The following CPLX4 variants were observed in gnomAD, a reference collection of about 807,000 sequenced individuals.
The protein encoded by CPLX4 is complexin 4.
In CPLX4, 17 loss-of-function variants were observed where a neutral mutation model predicts 16.1. The ratio of observed to expected loss-of-function variants is 1.06; its 90% CI spans 0.72 to 1.59. The LOEUF is 1.59. CPLX4 is among the 40% of genes most tolerant of loss of function. The pLI is 0.00. For synonymous variants in CPLX4, 55 were observed against 57.8 expected, an observed-to-expected ratio of 0.95 and a Z score of 0.22; for missense variants, 193 against 192.9, an observed-to-expected ratio of 1.00 and a Z score of 0.00.
intron 2 of CPLX4, among the ~76,000 whole-genome samples, chr18:59,306,499 G>A (rs1352809260): frequency 6.6e-6 from 1 of 152,184 alleles, no homozygotes; most frequent in Non-Finnish European, 1.5e-5. Context: ...ATAGCAAATA[G>A]TATTGTCACT....
intron 2 of CPLX4, among the ~76,000 whole-genome samples, chr18:59,306,803 T>C (rs1421157923): frequency 6.6e-6 from 1 of 152,222 alleles, no homozygotes; most frequent in East Asian, 1.9e-4. Context: ...CCTGCTGTTA[T>C]GTAACCGCTG....
At position 59,302,734 on chromosome 18, in the gene CPLX4, A is replaced by G. The variant is rs531016931; in HGVS notation, c.256-5809T>C. 3.9e-5 allele frequency among the ~76,000 whole-genome samples: 6 copies of G among 152,278 alleles called. No homozygotes were observed. In the East Asian group the frequency reaches 9.7e-4, roughly 25 times the overall value. On this transcript the variant is annotated intron_variant, in intron 2 of 2. Coordinates refer to ENST00000299721, the MANE Select transcript of CPLX4 (RefSeq NM_181654.4). Reference sequence around the variant, plus strand: ...CACCAAAGGATAAACATGACCCTGGATTTCAAGACTTACTACTTCTTGGAC... The same window carrying G: ...CACCAAAGGATAAACATGACCCTGGGTTTCAAGACTTACTACTTCTTGGAC...
At chr18:59,311,733 T>G (rs1329367925) in intron 2 of CPLX4, among the ~76,000 whole-genome samples, 2 of 152,162 alleles carry the variant, frequency 1.3e-5, no homozygotes, top group Non-Finnish European at 2.9e-5. Context: ...TGGAGTCAGG[T>G]GGTATGAGTC....
chr18:59,310,947 C>CGTGTGTGTGTGTGTGT lies in CPLX4; in HGVS notation c.255+1722_255+1737dup, dbSNP rs56041362. Among the ~76,000 whole-genome samples, 6 of 143,644 alleles carry CGTGTGTGTGTGTGTGT rather than the reference C, an allele frequency of 4.2e-5. No individual in the cohort carries two copies. The East Asian group carries it at 8.4e-4, about 20-fold the overall frequency. 94.2% of individuals were successfully genotyped at this position (143,644 alleles called of 152,430 possible). On this transcript the variant is annotated intron_variant, in intron 2 of 2. Coordinates refer to ENST00000299721, the MANE Select transcript of CPLX4 (RefSeq NM_181654.4). ...TCTGGACGATGCACACCCAGCCAAT[C>CGTGTGTGTGTGTGTGT]GTGTGTGTGTGTGTGTGTGTGTGTG...
chr18:59,304,341 G>T (rs1028046091), intron 2 of CPLX4, among the ~76,000 whole-genome samples: 2 of 152,166 alleles, frequency 1.3e-5, no homozygotes, highest in African/African-American at 2.4e-5. Flanking sequence ...TGGCCAGGGA[G>T]AGGAACACAT....
rs114784221 is a variant in CPLX4, at chr18:59,298,260, T to A, written c.256-1335A>T. Among the ~76,000 whole-genome samples the A allele has an allele frequency of 4.7e-3, 721 of 152,240 alleles. 5 individuals carry two copies. Among genetic ancestry groups the A allele is most frequent in the African/African-American group, 0.016 (672 of 41,556 alleles). On this transcript the variant is annotated intron_variant, in intron 2 of 2. Transcript: ENST00000299721. ...ATGCACCCCCATACTCAGCTGAGAT[T>A]CTTTTACCACTTAGGCTATAGAGTC... is the stretch of plus-strand genomic sequence containing the variant.
At chr18:59,311,042 C>T (rs1478985075) in intron 2 of CPLX4, among the ~76,000 whole-genome samples, 4 of 151,174 alleles carry the variant, frequency 2.6e-5, no homozygotes, top group Non-Finnish European at 4.4e-5. Flanking sequence ...TCAGATGGCC[C>T]AAGAGCAGAG....
In CPLX4 at chr18:59,315,401, T is replaced by C. The variant is rs140501754; in HGVS notation, c.168-2629A>G. ...TGTTTTTGCTTTCATTATTGAGTTA[T>C]AGGAGTTCTTCATATTTCCTAGATT... On this transcript the variant is annotated intron_variant, in intron 1 of 2. Coordinates refer to ENST00000299721, the MANE Select transcript of CPLX4 (RefSeq NM_181654.4). Among the ~76,000 whole-genome samples the C allele has an allele frequency of 1.5e-3, 225 of 152,334 alleles. 2 individuals carry two copies. Among genetic ancestry groups the C allele is most frequent in the African/African-American group, 5.2e-3 (216 of 41,586 alleles).
intron 2 of CPLX4, among the ~76,000 whole-genome samples, chr18:59,308,540 A>ACTT (rs2070593619): frequency 9.0e-6 from 1 of 111,250 alleles, no homozygotes; most frequent in South Asian, 3.0e-4. Flanking sequence ...ACCTATCAAG[A>ACTT]CTTTTTTTTT....
At chr18:59,304,966 T>TGTGC (rs1417696950) in intron 2 of CPLX4, among the ~76,000 whole-genome samples, 2 of 146,304 alleles carry the variant, frequency 1.4e-5, no homozygotes, top group African/African-American at 5.0e-5. Context: ...TGTGTGTGTG[T>TGTGC]GCAATTTTCT....
At chr18:59,313,095 T>C (rs28627951) in intron 1 of CPLX4, among the ~76,000 whole-genome samples, 13,630 of 152,202 alleles carry the variant, frequency 0.09, 711 homozygotes, top group Middle Eastern at 0.14. Flanking sequence ...TCAGAATCAC[T>C]TGGTGCACCT....
intron 2 of CPLX4, among the ~76,000 whole-genome samples, chr18:59,311,767 C>T (rs1174823965): frequency 6.6e-6 from 1 of 152,314 alleles, no homozygotes; most frequent in East Asian, 1.9e-4. Context: ...GATGGGCCCT[C>T]TGTCACTACT....
intron 1 of CPLX4, among the ~76,000 whole-genome samples, chr18:59,313,816 A>C (rs556345965): frequency 1.4e-4 from 22 of 152,340 alleles, no homozygotes; most frequent in African/African-American, 5.3e-4. Context: ...AGAGATAGGG[A>C]AAGAGTGCTC....
intron 1 of CPLX4, among the ~76,000 whole-genome samples, chr18:59,315,428 C>T (rs919923167): frequency 6.6e-6 from 1 of 152,082 alleles, no homozygotes; most frequent in East Asian, 1.9e-4. Context: ...TCCTAGATTC[C>T]AGTCCTTTGT....
chr18:59,298,295 G>C (rs887526775), intron 2 of CPLX4, among the ~76,000 whole-genome samples: 1 of 152,114 alleles, frequency 6.6e-6, no homozygotes, highest in Non-Finnish European at 1.5e-5. Flanking sequence ...CTCTTGTTCT[G>C]TAATGAGAGA....
At chr18:59,317,695 G>A (rs561250750) in intron 1 of CPLX4, among the ~76,000 whole-genome samples, 11 of 152,020 alleles carry the variant, frequency 7.2e-5, no homozygotes, top group African/African-American at 2.7e-4. Context: ...GGTATATGTG[G>A]GTATTTGTCC....
At chr18:59,302,576 G>A (rs1330048909) in intron 2 of CPLX4, among the ~76,000 whole-genome samples, 1 of 152,202 alleles carries the variant, frequency 6.6e-6, no homozygotes, top group Non-Finnish European at 1.5e-5. Flanking sequence ...TTTTATGCCA[G>A]CTGATGAGAA....
chr18:59,304,901 T>A (rs2070565774), intron 2 of CPLX4, among the ~76,000 whole-genome samples: 1 of 149,894 alleles, frequency 6.7e-6, no homozygotes, highest in Non-Finnish European at 1.5e-5. Flanking sequence ...TTTTCCCCAA[T>A]AACATCCATT....
intron 2 of CPLX4, among the ~76,000 whole-genome samples, chr18:59,305,716 C>T (rs753582002): frequency 1.3e-5 from 2 of 152,096 alleles, no homozygotes; most frequent in African/African-American, 2.4e-5. Context: ...TATGAAATTT[C>T]GGGAGATGTG....
Sources: allele counts gnomAD v4.1 joint callset (sites outside exome capture counted in the v4.1 genomes callset), GRCh38; gene constraint gnomAD v4.1.1; transcripts MANE v1.5; gene names NCBI Gene and HGNC (gene_info 2026-07-23, HGNC 2026-07-21).